RNF32: variants seen among roughly 807,000 people sequenced by gnomAD.
The protein encoded by RNF32 is ring finger protein 32.
RNF32 carries 36 observed loss-of-function variants against 41.0 expected under a neutral mutation model. The observed-to-expected ratio is 0.88, with a 90% confidence interval of 0.67 to 1.16. The LOEUF (loss-of-function observed/expected upper bound fraction) is 1.16, where lower values mean the gene tolerates loss of function less well. Ranked by LOEUF, RNF32 falls within the 50% of genes most tolerant of loss-of-function variation. The pLI, the probability that RNF32 is intolerant of heterozygous loss-of-function variation, is 0.00. For missense variants in RNF32, 413 were observed against 436.7 expected, an observed-to-expected ratio of 0.95 and a Z score of 0.48; for synonymous variants, 154 against 160.9, an observed-to-expected ratio of 0.96 and a Z score of 0.32.
intron 2 of RNF32, 129 bp downstream of exon 2, chr7:156,644,021 G>T: frequency 1.3e-6 from 1 of 781,374 alleles, no homozygotes; most frequent in Non-Finnish European, 2.2e-6. Context: ...AGGAATGGGC[G>T]ATGCCAAGTG....
At chr7:156,650,712 G>C (rs1276140557) in intron 3 of RNF32, among the ~76,000 whole-genome samples, 1 of 152,238 alleles carries the variant, frequency 6.6e-6, no homozygotes, top group Non-Finnish European at 1.5e-5. Flanking sequence ...AAGTCTAAGA[G>C]GAAGGGTGGT....
chr7:156,652,246 T>G (rs1159894518), intron 3 of RNF32, among the ~76,000 whole-genome samples: 2 of 152,152 alleles, frequency 1.3e-5, no homozygotes, highest in African/African-American at 4.8e-5. Context: ...TTCCTGATCC[T>G]TTTTTGAGGC....
intron 7 of RNF32, 59 bp downstream of exon 7, chr7:156,658,629 GT>G: frequency 8.8e-7 from 1 of 1,140,044 alleles, no homozygotes; most frequent in Admixed American, 1.8e-5. Context: ...TTCACTTGGG[GT>G]CAGGAAGGCT....
chr7:156,660,531 T>TA (rs1800479728), intron 7 of RNF32, among the ~76,000 whole-genome samples: 1 of 152,202 alleles, frequency 6.6e-6, no homozygotes, highest in African/African-American at 2.4e-5. Context: ...TATTTTTATT[T>TA]AGAGACAGGG....
chr7:156,655,740 ATT>A (rs1799567282), intron 4 of RNF32, among the ~76,000 whole-genome samples: 1 of 152,104 alleles, frequency 6.6e-6, no homozygotes, highest in African/African-American at 2.4e-5. Context: ...AAAGTTGGGT[ATT>A]TTGGACAGAT....
At chr7:156,663,995 G>C (rs1485848046) in intron 7 of RNF32, among the ~76,000 whole-genome samples, 1 of 152,214 alleles carries the variant, frequency 6.6e-6, no homozygotes. Context: ...CTCTCTGCCT[G>C]TGCTTTGTTA....
chr7:156,655,569 C>T (rs1799530171), intron 4 of RNF32, among the ~76,000 whole-genome samples: 1 of 152,210 alleles, frequency 6.6e-6, no homozygotes, highest in Admixed American at 6.5e-5. Context: ...TTATTACAAT[C>T]TGGGCAAATG....
In RNF32 at chr7:156,659,594, TAC is replaced by T. The variant is rs1013594431; in HGVS notation, c.684+1026_684+1027del. ...TTGTCACCTCTTATACAATTTTAAT[TAC>T]AGATTTGATAGTCATTTTACCTTAT... On this transcript the variant is annotated intron_variant, in intron 7 of 8. Transcript: ENST00000317955. 1.2e-5 allele frequency: 11 copies of T among 948,810 alleles called. No individual in the cohort carries two copies. In the Admixed American group the frequency reaches 2.5e-4, roughly 21 times the overall value. 58.8% of individuals were successfully genotyped at this position (948,810 alleles called of 1,614,324 possible). A position where few individuals can be genotyped will look rare whatever the true frequency, so the allele number is the denominator to read the frequency against.
chr7:156,670,436 TGAAGA>T lies in RNF32; in HGVS notation c.685-5256_685-5252del, dbSNP rs1356840245. On this transcript the variant is annotated intron_variant, in intron 7 of 8. Coordinates refer to ENST00000317955, the MANE Select transcript of RNF32 (RefSeq NM_030936.4). This position sits in a 1 kb window ranked among gnomAD's most constrained non-coding sequence, Gnocchi z 4.3. ...GGCGCAGGATGTCACTGTCAGAATT[TGAAGA>T]GAAAAGAGAACACGTGGGACAGAGG... 2.6e-5 allele frequency among the ~76,000 whole-genome samples: 4 copies of T among 152,196 alleles called. No individual in the cohort carries two copies. The South Asian group carries it at 6.2e-4, about 24-fold the overall frequency.
rs1802103292 is a variant in RNF32 at position 156,669,920 on chromosome 7, A to G, written c.685-5776A>G. 6.6e-6 allele frequency among the ~76,000 whole-genome samples: 1 copy of G among 152,210 alleles called. No homozygotes were observed. The highest frequency in any genetic ancestry group is 2.4e-5 in the African/African-American group (1 of 41,472). On this transcript the variant is annotated intron_variant, in intron 7 of 8. Coordinates refer to ENST00000317955, the MANE Select transcript of RNF32 (RefSeq NM_030936.4). This position sits in a 1 kb window ranked among gnomAD's most constrained non-coding sequence, Gnocchi z 4.2. The stretch of plus-strand genomic sequence containing the variant: ...GCGGTCATGGCCTAGTGCCATGAAA[A>G]TGAAACACAGATCCCTGTTTAAAAG...
chr7:156,644,690 G>A lies in RNF32; in HGVS notation c.207G>A (p.Gln69=). 1.2e-6 allele frequency: 2 copies of A among 1,613,344 alleles called. No homozygotes were observed. Among genetic ancestry groups the A allele is most frequent in the Non-Finnish European group, 1.7e-6 (2 of 1,179,768 alleles). ...IIDTGLKKTT[Q]CPKLEDSEKE... Reference sequence around the variant, plus strand: ...ATACTGGACTTAAAAAAACTACACAGTGCCCCAAACTAGAAGACTCAGAAA... The same window carrying A: ...ATACTGGACTTAAAAAAACTACACAATGCCCCAAACTAGAAGACTCAGAAA... Residue 69 remains glutamine, a synonymous_variant, in exon 3 of 9, where the codon CAG becomes CAA. Coordinates refer to ENST00000317955, the MANE Select transcript of RNF32 (RefSeq NM_030936.4).
At chr7:156,646,624 A>T in intron 3 of RNF32, 2 of 639,650 alleles carry the variant, frequency 3.1e-6, no homozygotes, top group South Asian at 3.7e-5. Context: ...CTGATAGGGG[A>T]GAACTTCCAT....
chr7:156,642,738 C>T (rs370226984), intron 1 of RNF32, among the ~76,000 whole-genome samples: 137 of 152,306 alleles, frequency 9.0e-4, no homozygotes, highest in African/African-American at 2.9e-3. Flanking sequence ...CAGACGGGGA[C>T]GCCCCAGTGA....
At chr7:156,640,682 G>C (rs1192040691), upstream of RNF32, 1 of 314,618 alleles carries the variant, frequency 3.2e-6, no homozygotes, top group Non-Finnish European at 6.1e-6. Context: ...GCGGGGCAGG[G>C]CTGGTGAGCA....
rs568672751 is a variant in RNF32 at position 156,664,183 on chromosome 7, C to T, written c.684+5613C>T. ...GGCTATAGAAAAACATTGCAAGGGC[C>T]GGGCGCGGTGGCTCACGCCTGTAAT... On this transcript the variant is annotated intron_variant, in intron 7 of 8. Coordinates refer to ENST00000317955, the MANE Select transcript of RNF32 (RefSeq NM_030936.4). Among the ~76,000 whole-genome samples the T allele has an allele frequency of 9.8e-5, 15 of 152,340 alleles. No homozygotes were observed. In the South Asian group the frequency reaches 2.1e-3, roughly 21 times the overall value.
chr7:156,658,915 A>G lies in RNF32; in HGVS notation c.684+345A>G, dbSNP rs1022584525. 2.6e-6 allele frequency: 4 copies of G among 1,546,502 alleles called. No individual in the cohort carries two copies. The Admixed American group carries it at 6.0e-5, about 23-fold the overall frequency. On this transcript the variant is annotated intron_variant, in intron 7 of 8. Coordinates refer to ENST00000317955, the MANE Select transcript of RNF32 (RefSeq NM_030936.4). ...TTCCCATCTCCTGGGCTATATGTAA[A>G]TGAAGACATCTGCTGCACATCTCAT...
chr7:156,665,356 C>A (rs1239064567), intron 7 of RNF32, among the ~76,000 whole-genome samples: 4 of 152,182 alleles, frequency 2.6e-5, no homozygotes, highest in East Asian at 1.9e-4. Context: ...CCCTTCCATA[C>A]TTCTATGTGT....
chr7:156,652,885 C>T (rs1438658498), intron 3 of RNF32, among the ~76,000 whole-genome samples: 3 of 152,030 alleles, frequency 2.0e-5, no homozygotes, highest in Admixed American at 6.6e-5. Context: ...CACATCACTA[C>T]GTGCTAGCCT....
rs1309627301 is a variant in RNF32, at chr7:156,644,686, C to T, written c.203C>T (p.Thr68Ile). ...AIIDTGLKKTTQCPKLEDSEK... is the reference protein window; with the variant it reads ...AIIDTGLKKTIQCPKLEDSEK... ...ATAGATACTGGACTTAAAAAAACTACACAGTGCCCCAAACTAGAAGACTCA... is the reference window on the plus strand; with the variant it reads ...ATAGATACTGGACTTAAAAAAACTATACAGTGCCCCAAACTAGAAGACTCA... Residue 68 changes from threonine (T) to isoleucine (I), a missense_variant, in exon 3 of 9, where the codon ACA (threonine) becomes ATA (isoleucine). Coordinates refer to ENST00000317955, the MANE Select transcript of RNF32 (RefSeq NM_030936.4). 6.2e-7 allele frequency: 1 copy of T among 1,613,298 alleles called. No homozygotes were observed. Among genetic ancestry groups the T allele is most frequent in the East Asian group, 2.2e-5 (1 of 44,860 alleles).
Sources: allele counts gnomAD v4.1 joint callset (sites outside exome capture counted in the v4.1 genomes callset), GRCh38; gene constraint gnomAD v4.1.1; non-coding constraint Gnocchi (gnomAD v3.1); transcripts MANE v1.5; gene names NCBI Gene and HGNC (gene_info 2026-07-23, HGNC 2026-07-21).